The following SMARCAD1 variants were observed in gnomAD, a reference collection of about 807,000 sequenced individuals.
SMARCAD1 encodes the protein SNF2 related chromatin remodeling ATPase with DExD box 1.
Under a neutral mutation model 127.1 loss-of-function variants are expected in SMARCAD1, and 25 were observed. That is an observed-to-expected ratio of 0.20 (90% CI 0.14 to 0.27). SMARCAD1 has a LOEUF of 0.27. Among genes scored for constraint, SMARCAD1 ranks in the 10% least tolerant of loss-of-function variants. The probability of loss-of-function intolerance (pLI) is 1.00; values close to 1 mark genes in which losing one functional copy is unlikely to be tolerated. For missense variants in SMARCAD1, 807 were observed against 1,206.0 expected, an observed-to-expected ratio of 0.67 and a Z score of 4.90; for synonymous variants, 400 against 396.9, an observed-to-expected ratio of 1.01 and a Z score of -0.09.
At chr4:94,278,770 A>G (rs1248322233) in intron 18 of SMARCAD1, 37 bp downstream of exon 18, 3 of 1,600,674 alleles carry the variant, frequency 1.9e-6, no homozygotes, top group Middle Eastern at 1.7e-4. Flanking sequence ...GTGAAAAAGA[A>G]TCTTGTACTG....
chr4:94,260,730 T>C (rs1243352293), intron 9 of SMARCAD1, among the ~76,000 whole-genome samples: 3 of 152,208 alleles, frequency 2.0e-5, no homozygotes, highest in Non-Finnish European at 4.4e-5. Context: ...TTGCCGTTCA[T>C]ATACAAAATT....
chr4:94,230,187 A>G lies in SMARCAD1; in HGVS notation c.369-3767A>G, dbSNP rs1287248341. ...AGATTCCAAAAATCAAAACTCTACA[A>G]AGGATATACTCAGATCCCTTACTCT... is the stretch of plus-strand genomic sequence containing the variant. On this transcript the variant is annotated intron_variant, in intron 3 of 23. Transcript: ENST00000354268. 2.6e-5 allele frequency among the ~76,000 whole-genome samples: 4 copies of G among 152,164 alleles called. No individual in the cohort carries two copies. The South Asian group carries it at 6.2e-4, about 24-fold the overall frequency.
intron 12 of SMARCAD1, among the ~76,000 whole-genome samples, chr4:94,274,177 A>G (rs1205936651): frequency 2.0e-5 from 3 of 152,184 alleles, no homozygotes; most frequent in Admixed American, 2.0e-4. Context: ...GAGGTTAATA[A>G]TCAACTGTAA....
At chr4:94,248,226 C>G (rs1286572938) in intron 6 of SMARCAD1, among the ~76,000 whole-genome samples, 1 of 152,170 alleles carries the variant, frequency 6.6e-6, no homozygotes, top group African/African-American at 2.4e-5. Flanking sequence ...TTCAGATATA[C>G]TACAATGTTC....
At position 94,246,913 on chromosome 4, in the gene SMARCAD1, T is replaced by C. The variant is rs1001265905; in HGVS notation, c.706-2741T>C. 2.0e-5 allele frequency among the ~76,000 whole-genome samples: 3 copies of C among 152,208 alleles called. 1 individual carries two copies. Among genetic ancestry groups the C allele is most frequent in the African/African-American group, 7.2e-5 (3 of 41,450 alleles). Reference sequence around the variant, plus strand: ...GAAAGGGGAAAAAGCAAGTACTTGATTGATAACTGCATAGCCATATTGATT... The same window carrying C: ...GAAAGGGGAAAAAGCAAGTACTTGACTGATAACTGCATAGCCATATTGATT... On this transcript the variant is annotated intron_variant, in intron 6 of 23. Transcript: ENST00000354268.
At chr4:94,265,128 G>A (rs1226046186) in intron 10 of SMARCAD1, among the ~76,000 whole-genome samples, 1 of 151,754 alleles carries the variant, frequency 6.6e-6, no homozygotes. Flanking sequence ...TAAATTAAAG[G>A]GGGGGATGGT....
At chr4:94,242,711 C>T (rs1161734300) in intron 6 of SMARCAD1, among the ~76,000 whole-genome samples, 1 of 147,208 alleles carries the variant, frequency 6.8e-6, no homozygotes, top group Non-Finnish European at 1.5e-5. Context: ...CAAGACCAGC[C>T]TGAGCAATAT....
chr4:94,253,011 A>G lies in SMARCAD1; in HGVS notation c.1281+4A>G, dbSNP rs1749511317. 1 of 1,610,820 alleles carries G rather than the reference A, an allele frequency of 6.2e-7. No individual in the cohort carries two copies. ...CTTTAATAGTTGGGAGGCTCTGGTA[A>G]GGCTTTATTCTTTTTTTCCCCTTGT... On this transcript the variant is annotated splice_donor_region_variant and intron_variant, in intron 9 of 23. Transcript: ENST00000354268.
intron 23 of SMARCAD1, 28 bp downstream of exon 23, chr4:94,285,097 ATATTTATC>A (rs781731512): frequency 1.5e-4 from 198 of 1,331,018 alleles, no homozygotes; most frequent in Middle Eastern, 1.8e-4. Flanking sequence ...AGAAACTTCA[ATATTTATC>A]TATATGACCA....
intron 2 of SMARCAD1, chr4:94,212,910 G>T: frequency 6.9e-6 from 3 of 437,628 alleles, no homozygotes; most frequent in South Asian, 5.2e-5. Context: ...CCAGCCTTTG[G>T]ATTTGAGGGC....
intron 9 of SMARCAD1, among the ~76,000 whole-genome samples, chr4:94,263,776 G>A (rs1192038603): frequency 2.0e-5 from 3 of 151,620 alleles, no homozygotes; most frequent in Admixed American, 2.0e-4. Context: ...CCTAATAGAT[G>A]GTTTTATTTT....
intron 8 of SMARCAD1, 49 bp from the exon 9 acceptor site, chr4:94,252,565 TTA>T (rs1749441128): frequency 3.2e-6 from 4 of 1,253,396 alleles, no homozygotes; most frequent in South Asian, 1.5e-5. Context: ...AAGTCTATCT[TTA>T]TATTTATGTA....
At chr4:94,257,833 T>C (rs1413927664) in intron 9 of SMARCAD1, among the ~76,000 whole-genome samples, 1 of 152,142 alleles carries the variant, frequency 6.6e-6, no homozygotes, top group Non-Finnish European at 1.5e-5. Flanking sequence ...TTGTAGGTCT[T>C]ATCTATCAAC....
At chr4:94,248,624 A>G (rs1748821845) in intron 6 of SMARCAD1, 2 of 429,980 alleles carry the variant, frequency 4.7e-6, no homozygotes, top group Non-Finnish European at 9.3e-6. Context: ...GCTTTATTCC[A>G]TGTTAGCTCT....
intron 6 of SMARCAD1, among the ~76,000 whole-genome samples, chr4:94,242,538 T>A (rs1462534321): frequency 6.6e-6 from 1 of 152,104 alleles, no homozygotes; most frequent in Admixed American, 6.6e-5. Flanking sequence ...AGGGCTACTC[T>A]CTGAGTTGGG....
chr4:94,213,446 A>G (rs975615340), intron 2 of SMARCAD1, among the ~76,000 whole-genome samples: 2 of 152,302 alleles, frequency 1.3e-5, no homozygotes, highest in Admixed American at 6.5e-5. Context: ...GTTTTAGACA[A>G]TATAGATGAA....
chr4:94,224,914 A>G (rs1744764747), intron 2 of SMARCAD1, among the ~76,000 whole-genome samples: 1 of 152,172 alleles, frequency 6.6e-6, no homozygotes, highest in African/African-American at 2.4e-5. Flanking sequence ...GACAGCTATC[A>G]TTTTTAACCT....
chr4:94,253,058 A>G (rs189209510), intron 9 of SMARCAD1, 51 bp downstream of exon 9: 11 of 1,602,434 alleles, frequency 6.9e-6, no homozygotes, highest in Middle Eastern at 1.7e-4. Context: ...TATTTAATTC[A>G]CAGTACCGGT....
At chr4:94,282,100 G>GTTTTTTTTTT (rs70946518) in intron 21 of SMARCAD1, among the ~76,000 whole-genome samples, 1 of 74,964 alleles carries the variant, frequency 1.3e-5, no homozygotes, top group Non-Finnish European at 2.3e-5. Flanking sequence ...ACGTTTTTTT[G>GTTTTTTTTTT]TTTTTTTTTT....
Sources: gnomAD v4.1 joint callset for allele counts (sites outside exome capture counted in the v4.1 genomes callset) on GRCh38, gnomAD v4.1.1 for gene constraint, MANE v1.5 for transcripts, NCBI Gene and HGNC (gene_info 2026-07-23, HGNC 2026-07-21) for gene names.